CFAP44: variants seen among roughly 807,000 people sequenced by gnomAD.
CFAP44 encodes the protein cilia- and flagella-associated protein 44.
A neutral mutation model predicts 216.2 loss-of-function variants in CFAP44; 134 were observed. The observed-to-expected ratio is 0.62, with a 90% CI of 0.54 to 0.72. The LOEUF (loss-of-function observed/expected upper bound fraction) is 0.72, where lower values mean the gene tolerates loss of function less well. Ranked by LOEUF, CFAP44 falls within the 30% of genes least tolerant of loss-of-function variation. The pLI is 0.00. For synonymous variants in CFAP44, 700 were observed against 727.6 expected (o/e 0.96, Z 0.61); for missense variants, 2,035 against 2,182.1 (o/e 0.93, Z 1.34).
At chr3:113,312,828 A>C (rs897209220) in intron 28 of CFAP44, among the ~76,000 whole-genome samples, 1 of 152,200 alleles carries the variant, frequency 6.6e-6, no homozygotes, top group Admixed American at 6.5e-5. Context: ...GTGAGTGCAC[A>C]GAAGTCAAGA....
At chr3:113,422,076 T>C (rs1934832128) in intron 4 of CFAP44, among the ~76,000 whole-genome samples, 1 of 90,370 alleles carries the variant, frequency 1.1e-5, no homozygotes, top group Admixed American at 9.1e-5. Context: ...TAAGTCAAAA[T>C]TAATATGCCC....
intron 28 of CFAP44, among the ~76,000 whole-genome samples, chr3:113,316,542 G>A (rs1321090079): frequency 6.6e-6 from 1 of 151,934 alleles, no homozygotes; most frequent in Non-Finnish European, 1.5e-5. Context: ...CAAACCTCTA[G>A]CCAGACTGAA....
At chr3:113,319,886 A>C (rs1950126187) in intron 28 of CFAP44, among the ~76,000 whole-genome samples, 1 of 152,198 alleles carries the variant, frequency 6.6e-6, no homozygotes, top group Non-Finnish European at 1.5e-5. Context: ...CAAAGATGGC[A>C]TTACAACTCA....
At chr3:113,358,706 C>T (rs773160379) in intron 22 of CFAP44, 39 bp downstream of exon 22, 458 of 1,533,830 alleles carry the variant, frequency 3.0e-4, no homozygotes, top group Non-Finnish European at 3.8e-4. Flanking sequence ...CACACATGTG[C>T]TCTCAAACAT....
intron 32 of CFAP44, among the ~76,000 whole-genome samples, chr3:113,302,457 TAAAAAAAAAAAAA>T (rs60866565): frequency 1.3e-5 from 1 of 75,812 alleles, no homozygotes; most frequent in African/African-American, 4.3e-5. Flanking sequence ...CTAGACAAAG[TAAAAAAAAAAAAA>T]AAAAAAAAAA....
intron 21 of CFAP44, 108 bp downstream of exon 21, chr3:113,363,037 A>T: frequency 7.2e-7 from 1 of 1,397,032 alleles, no homozygotes; most frequent in Non-Finnish European, 9.3e-7. Flanking sequence ...GAAAGAAACA[A>T]ACAAAAAAGA....
At chr3:113,424,798 G>A (rs552989483) in intron 4 of CFAP44, among the ~76,000 whole-genome samples, 3 of 152,274 alleles carry the variant, frequency 2.0e-5, no homozygotes, top group East Asian at 3.9e-4. Flanking sequence ...TCATATATTG[G>A]AATAAAAGTT....
chr3:113,430,746 C>T (rs1935085931), intron 2 of CFAP44, among the ~76,000 whole-genome samples: 1 of 152,106 alleles, frequency 6.6e-6, no homozygotes, highest in Admixed American at 6.6e-5. Flanking sequence ...GCCCAGACAG[C>T]TTTACTGGTA....
intron 6 of CFAP44, among the ~76,000 whole-genome samples, chr3:113,410,452 C>T (rs1392383326): frequency 1.3e-5 from 2 of 152,092 alleles, no homozygotes; most frequent in African/African-American, 2.4e-5. Flanking sequence ...TCCAGCTTCA[C>T]CCATGTCCCT....
intron 23 of CFAP44, among the ~76,000 whole-genome samples, chr3:113,344,012 G>A (rs868383525): frequency 6.6e-6 from 1 of 152,174 alleles, no homozygotes; most frequent in African/African-American, 2.4e-5. Context: ...AGGTTGCAGG[G>A]ATTAGAGGTA....
chr3:113,348,376 C>A (rs983960441), intron 22 of CFAP44, among the ~76,000 whole-genome samples: 1 of 152,150 alleles, frequency 6.6e-6, no homozygotes, highest in African/African-American at 2.4e-5. Context: ...CCCCAATATT[C>A]TCTCTCTGAT....
chr3:113,304,324 T>C (rs946239076), intron 31 of CFAP44: 3 of 579,098 alleles, frequency 5.2e-6, no homozygotes, highest in Non-Finnish European at 9.2e-6. Context: ...TCTGTGGGGA[T>C]AGCAAATCCT....
intron 6 of CFAP44, among the ~76,000 whole-genome samples, chr3:113,411,661 T>C (rs533442259): frequency 2.0e-5 from 3 of 152,232 alleles, no homozygotes; most frequent in Non-Finnish European, 4.4e-5. Context: ...TAAGGTAGTT[T>C]TTTCCAATTC....
chr3:113,337,892 A>G (rs753009355), intron 24 of CFAP44, among the ~76,000 whole-genome samples: 17 of 152,204 alleles, frequency 1.1e-4, no homozygotes, highest in Non-Finnish European at 2.1e-4. Context: ...CTTGACACCA[A>G]AATCAAGATT....
At chr3:113,417,808 A>G (rs1430653112) in intron 5 of CFAP44, among the ~76,000 whole-genome samples, 1 of 152,154 alleles carries the variant, frequency 6.6e-6, no homozygotes, top group Non-Finnish European at 1.5e-5. Context: ...CAAGAAGCAA[A>G]CGGGCCTAAG....
intron 28 of CFAP44, 58 bp from the exon 29 acceptor site, chr3:113,308,326 G>T: frequency 2.3e-6 from 3 of 1,290,040 alleles, no homozygotes; most frequent in Non-Finnish European, 3.1e-6. Flanking sequence ...CTAAATACTA[G>T]ATTTTTAAAG....
intron 24 of CFAP44, among the ~76,000 whole-genome samples, chr3:113,340,539 C>G (rs952070734): frequency 1.2e-4 from 18 of 152,184 alleles, no homozygotes; most frequent in Non-Finnish European, 2.5e-4. Flanking sequence ...GGGAAAGGTT[C>G]CCTTGTCCCC....
chr3:113,287,112 C>T lies in CFAP44; in HGVS notation c.*4445G>A, dbSNP rs1186879295. Reference sequence around the variant, plus strand: ...GTCACCCAGGAAAGCACCGCACAGGCTGGCGCGGGACAGACTCCTAACCTG... The same window carrying T: ...GTCACCCAGGAAAGCACCGCACAGGTTGGCGCGGGACAGACTCCTAACCTG... On this transcript the variant is annotated 3_prime_UTR_variant, in exon 35 of 35. Transcript: ENST00000393845. The T allele has an allele frequency of 9.8e-6, 5 of 511,672 alleles. No homozygotes were observed. The highest frequency in any genetic ancestry group is 1.9e-5 in the Non-Finnish European group (5 of 266,740). The allele number at this position is 511,672 out of a possible 1,614,324, so 31.7% of individuals were successfully genotyped here. A position where few individuals can be genotyped will look rare whatever the true frequency, so the allele number is the denominator to read the frequency against.
At chr3:113,299,164 C>G (rs1215438103) in intron 32 of CFAP44, among the ~76,000 whole-genome samples, 1 of 152,144 alleles carries the variant, frequency 6.6e-6, no homozygotes, top group African/African-American at 2.4e-5. Context: ...AATTATTCAT[C>G]TGACAAGGGG....
Sources: gnomAD v4.1 joint callset for allele counts (sites outside exome capture counted in the v4.1 genomes callset) on GRCh38, gnomAD v4.1.1 for gene constraint, MANE v1.5 for transcripts, NCBI Gene and HGNC (gene_info 2026-07-23, HGNC 2026-07-21) for gene names.